JAKMIP1: variants seen among roughly 807,000 people sequenced by gnomAD.
JAKMIP1 encodes the protein janus kinase and microtubule interacting protein 1.
In JAKMIP1, 33 loss-of-function variants were observed where a neutral mutation model predicts 113.0. The observed-to-expected ratio is 0.29, with a 90% CI of 0.22 to 0.39. The LOEUF (loss-of-function observed/expected upper bound fraction) is 0.39. Ranked by LOEUF, JAKMIP1 falls within the 10% of genes least tolerant of loss-of-function variation. The pLI is 1.00. For synonymous variants in JAKMIP1, 480 were observed against 459.9 expected (o/e 1.04, Z -0.56); for missense variants, 813 against 1,080.5 (o/e 0.75, Z 3.47).
intron 1 of JAKMIP1, among the ~76,000 whole-genome samples, chr4:6,120,285 T>G (rs1716514706): frequency 6.6e-6 from 1 of 152,072 alleles, no homozygotes; most frequent in Non-Finnish European, 1.5e-5. Context: ...AAATCCAAAT[T>G]GATTGTACTG....
chr4:6,195,727 G>T (rs1400185726), intron 1 of JAKMIP1, among the ~76,000 whole-genome samples: 1 of 152,144 alleles, frequency 6.6e-6, no homozygotes, highest in Non-Finnish European at 1.5e-5. Context: ...GCCTCCCTCT[G>T]GGACTGAATG....
chr4:6,152,840 G>A (rs1053268795), intron 1 of JAKMIP1, among the ~76,000 whole-genome samples: 2 of 141,776 alleles, frequency 1.4e-5, no homozygotes, highest in African/African-American at 5.2e-5. Flanking sequence ...GCATGGTGGT[G>A]GGCTCCTATA....
intron 1 of JAKMIP1, among the ~76,000 whole-genome samples, chr4:6,173,983 C>T (rs139505154): frequency 3.9e-5 from 6 of 152,266 alleles, no homozygotes; most frequent in Admixed American, 3.9e-4. Context: ...ACAGGACAAT[C>T]GCTTGAACCT....
rs1304535477 is a variant in JAKMIP1, at chr4:6,064,326, G to A, written c.1431+554C>T. ...CTTTGCCCCCTCACGAATCCACCTT[G>A]CTCAAGAAGCTGGCTATGCACCCAG... On this transcript the variant is annotated intron_variant, in intron 9 of 20. Coordinates refer to ENST00000409021, the MANE Select transcript of JAKMIP1 (RefSeq NM_001099433.2). This position sits in a 1 kb window ranked among gnomAD's most constrained non-coding sequence, Gnocchi z 4.3. Among the ~76,000 whole-genome samples the A allele has an allele frequency of 6.6e-6, 1 of 152,216 alleles. No individual in the cohort carries two copies. The highest frequency in any genetic ancestry group is 1.5e-5 in the Non-Finnish European group (1 of 68,038).
In JAKMIP1 at chr4:6,194,036, G is replaced by A. The variant is rs1560358008; in HGVS notation, c.-148+6217C>T. Among the ~76,000 whole-genome samples, 1 of 152,098 alleles carries A rather than the reference G, an allele frequency of 6.6e-6. No homozygotes were observed. Among genetic ancestry groups the A allele is most frequent in the Non-Finnish European group, 1.5e-5 (1 of 68,030 alleles). On this transcript the variant is annotated intron_variant, in intron 1 of 20. Transcript: ENST00000409021. The surrounding 1 kb of genome is among the most constrained non-coding windows in gnomAD (Gnocchi z 7.4). ...GAACCCTGAAAATATCAGGCTAAGT[G>A]GAAGAAGCCAGCCACATACGATCTG...
chr4:6,059,247 T>A lies in JAKMIP1; in HGVS notation c.1644+1177A>T, dbSNP rs1229467291. On this transcript the variant is annotated intron_variant, in intron 11 of 20. Coordinates refer to ENST00000409021, the MANE Select transcript of JAKMIP1 (RefSeq NM_001099433.2). The surrounding 1 kb of genome is among the most constrained non-coding windows in gnomAD (Gnocchi z 4.8). ...GGTAAAGTCTGCTGTGGTGACCTGC[T>A]CTGTGCCAGGCATGCATGCTGGTCG... Among the ~76,000 whole-genome samples the A allele has an allele frequency of 6.6e-6, 1 of 152,184 alleles. No individual in the cohort carries two copies. The highest frequency in any genetic ancestry group is 2.4e-5 in the African/African-American group (1 of 41,448).
At chr4:6,084,279 T>C (rs1305698402) in intron 5 of JAKMIP1, among the ~76,000 whole-genome samples, 3 of 149,200 alleles carry the variant, frequency 2.0e-5, no homozygotes, top group East Asian at 2.0e-4. Context: ...ATGGTGCCAA[T>C]TGCACTCCAG....
At chr4:6,173,547 T>C (rs1032384661) in intron 1 of JAKMIP1, among the ~76,000 whole-genome samples, 2 of 152,180 alleles carry the variant, frequency 1.3e-5, no homozygotes, top group African/African-American at 4.8e-5. Flanking sequence ...AAAAATGTCT[T>C]ATTGCAAAAT....
chr4:6,064,752 G>T lies in JAKMIP1; in HGVS notation c.1431+128C>A. The T allele has an allele frequency of 1.6e-6, 2 of 1,212,384 alleles. No individual in the cohort carries two copies. Among genetic ancestry groups the T allele is most frequent in the Non-Finnish European group, 2.3e-6 (2 of 858,276 alleles). 75.1% of individuals were successfully genotyped at this position (1,212,384 alleles called of 1,614,324 possible). On this transcript the variant is annotated intron_variant, in intron 9 of 20. Transcript: ENST00000409021. This position sits in a 1 kb window ranked among gnomAD's most constrained non-coding sequence, Gnocchi z 4.3. Reference sequence around the variant, plus strand: ...ACACCATTGGCTTTGATAATGCACTGGTAGGAACTGGTCATCTGGGGTTCA... The same window carrying T: ...ACACCATTGGCTTTGATAATGCACTTGTAGGAACTGGTCATCTGGGGTTCA...
rs1726753684 is a variant in JAKMIP1, at chr4:6,187,264, T to C, written c.-148+12989A>G. Reference sequence around the variant, plus strand: ...TGTTACTTTTTATCTCTAGTAACTTTTTTTGTTTTAAACTCATTTTGTCTA... The same window carrying C: ...TGTTACTTTTTATCTCTAGTAACTTCTTTTGTTTTAAACTCATTTTGTCTA... On this transcript the variant is annotated intron_variant, in intron 1 of 20. Coordinates refer to ENST00000409021, the MANE Select transcript of JAKMIP1 (RefSeq NM_001099433.2). This position sits in a 1 kb window ranked among gnomAD's most constrained non-coding sequence, Gnocchi z 4.2. Among the ~76,000 whole-genome samples the C allele has an allele frequency of 6.6e-6, 1 of 152,254 alleles. No individual in the cohort carries two copies. Among genetic ancestry groups the C allele is most frequent in the Non-Finnish European group, 1.5e-5 (1 of 68,050 alleles).
In JAKMIP1 at chr4:6,061,167, A is replaced by G. The variant is rs1271248085; in HGVS notation, c.1561-660T>C. On this transcript the variant is annotated intron_variant, in intron 10 of 20. Transcript: ENST00000409021. This position sits in a 1 kb window ranked among gnomAD's most constrained non-coding sequence, Gnocchi z 5.3. ...TCTGACCTTTCAAGAGAGGTCAGGA[A>G]CCTGGATTTCTCTATAGAATCTCTT... Among the ~76,000 whole-genome samples, 1 of 152,202 alleles carries G rather than the reference A, an allele frequency of 6.6e-6. No homozygotes were observed. The highest frequency in any genetic ancestry group is 2.4e-5 in the African/African-American group (1 of 41,450).
chr4:6,154,141 C>A lies in JAKMIP1; in HGVS notation c.-147-41144G>T, dbSNP rs2108990018. Among the ~76,000 whole-genome samples the A allele has an allele frequency of 6.6e-6, 1 of 152,304 alleles. No homozygotes were observed. The highest frequency in any genetic ancestry group is 1.5e-5 in the Non-Finnish European group (1 of 68,030). ...GCTTGTGTCCTGCAGAGCTGATAAACCCTGCACTCAGGGAGACACTGACCC... is the reference window on the plus strand; with the variant it reads ...GCTTGTGTCCTGCAGAGCTGATAAAACCTGCACTCAGGGAGACACTGACCC... On this transcript the variant is annotated intron_variant, in intron 1 of 20. Transcript: ENST00000409021. The surrounding 1 kb of genome is among the most constrained non-coding windows in gnomAD (Gnocchi z 4.2).
intron 1 of JAKMIP1, among the ~76,000 whole-genome samples, chr4:6,152,282 C>T (rs929144474): frequency 6.6e-5 from 10 of 152,210 alleles, no homozygotes; most frequent in African/African-American, 2.4e-4. Context: ...TGACCTCCCA[C>T]TGGGACTCTG....
At chr4:6,125,266 G>T (rs73795734) in intron 1 of JAKMIP1, among the ~76,000 whole-genome samples, 2,358 of 152,086 alleles carry the variant, frequency 0.016, 60 homozygotes, top group African/African-American at 0.053. Context: ...CTGCAGCAGC[G>T]GGAGCACCCC....
chr4:6,042,107 C>T lies in JAKMIP1; in HGVS notation c.2097+52G>A. The T allele has an allele frequency of 7.0e-7, 1 of 1,423,392 alleles. No homozygotes were observed. Among genetic ancestry groups the T allele is most frequent in the Non-Finnish European group, 9.9e-7 (1 of 1,007,378 alleles). The allele number at this position is 1,423,392 out of a possible 1,614,324, so 88.2% of individuals were successfully genotyped here. On this transcript the variant is annotated intron_variant, in intron 17 of 20. Coordinates refer to ENST00000409021, the MANE Select transcript of JAKMIP1 (RefSeq NM_001099433.2). This position sits in a 1 kb window ranked among gnomAD's most constrained non-coding sequence, Gnocchi z 5.2. ...GCAAAGCCTTCCTGCAAATCAACCT[C>T]TCTGAGCTCTTTGAACCCTCTCCCC...
At position 6,088,510 on chromosome 4, in the gene JAKMIP1, C is replaced by T. The variant is rs1369088513; in HGVS notation, c.625-2881G>A. Among the ~76,000 whole-genome samples, 1 of 152,208 alleles carries T rather than the reference C, an allele frequency of 6.6e-6. No homozygotes were observed. Among genetic ancestry groups the T allele is most frequent in the Non-Finnish European group, 1.5e-5 (1 of 68,032 alleles). ...CCACCTGGAAGAGCACCAATTCCCC[C>T]TTGTCCTAGTAAGTGAGACAGAGGG... On this transcript the variant is annotated intron_variant, in intron 3 of 20. Coordinates refer to ENST00000409021, the MANE Select transcript of JAKMIP1 (RefSeq NM_001099433.2). This position sits in a 1 kb window ranked among gnomAD's most constrained non-coding sequence, Gnocchi z 5.5.
Position 6,192,156 on chromosome 4 carries a change from C to T in JAKMIP1, c.-148+8097G>A, listed in dbSNP as rs1392986281. 1.3e-5 allele frequency among the ~76,000 whole-genome samples: 2 copies of T among 152,152 alleles called. No individual in the cohort carries two copies. The highest frequency in any genetic ancestry group is 4.8e-5 in the African/African-American group (2 of 41,430). On this transcript the variant is annotated intron_variant, in intron 1 of 20. Coordinates refer to ENST00000409021, the MANE Select transcript of JAKMIP1 (RefSeq NM_001099433.2). The surrounding 1 kb of genome is among the most constrained non-coding windows in gnomAD (Gnocchi z 5.0). ...CCATGTTGGCCAGGCTGGTCTTGAACTCCTGACCTCAGGTGATCCACCCTC... is the reference window on the plus strand; with the variant it reads ...CCATGTTGGCCAGGCTGGTCTTGAATTCCTGACCTCAGGTGATCCACCCTC...
At chr4:6,074,577 C>G (rs62284784) in intron 8 of JAKMIP1, among the ~76,000 whole-genome samples, 1 of 152,152 alleles carries the variant, frequency 6.6e-6, no homozygotes, top group Non-Finnish European at 1.5e-5. Flanking sequence ...GAACCTCCCA[C>G]GAATACTCAA....
intron 3 of JAKMIP1, among the ~76,000 whole-genome samples, chr4:6,096,661 CT>C (rs1560177048): frequency 6.6e-6 from 1 of 152,210 alleles, no homozygotes; most frequent in African/African-American, 2.4e-5. Context: ...TCCCACATAA[CT>C]TTTACCCTGT....
Sources: allele counts gnomAD v4.1 joint callset (sites outside exome capture counted in the v4.1 genomes callset), GRCh38; gene constraint gnomAD v4.1.1; non-coding constraint Gnocchi (gnomAD v3.1); transcripts MANE v1.5; gene names NCBI Gene and HGNC (gene_info 2026-07-23, HGNC 2026-07-21).